TRPM1: variants seen among roughly 807,000 people sequenced by gnomAD.
TRPM1 encodes the protein transient receptor potential cation channel subfamily M member 1, also known as TRPM1-203 APA Isoform, Intron 10.
TRPM1 carries 113 observed loss-of-function variants against 149.4 expected under a neutral mutation model. The ratio of observed to expected loss-of-function variants is 0.76; its 90% CI spans 0.65 to 0.88. The LOEUF (loss-of-function observed/expected upper bound fraction) is 0.88, where lower values mean the gene tolerates loss of function less well. Ranked by LOEUF, TRPM1 falls within the 40% of genes least tolerant of loss-of-function variation. The probability of loss-of-function intolerance (pLI) is 0.00; values close to 1 mark genes in which losing one functional copy is unlikely to be tolerated. For synonymous variants in TRPM1, 741 were observed against 759.5 expected (o/e 0.98, Z 0.40); for missense variants, 1,976 against 2,038.7 (o/e 0.97, Z 0.59).
At chr15:31,118,961 C>A (rs2035839401) in intron 1 of TRPM1, among the ~76,000 whole-genome samples, 1 of 152,102 alleles carries the variant, frequency 6.6e-6, no homozygotes, top group Admixed American at 6.6e-5. Flanking sequence ...ACTTACTGGC[C>A]AGGCGCAGTG....
At chr15:31,087,205 C>T (rs1237042539) in intron 1 of TRPM1, among the ~76,000 whole-genome samples, 1 of 146,000 alleles carries the variant, frequency 6.8e-6, no homozygotes. Context: ...TCCTATGATC[C>T]AGCAGTTAAG....
chr15:31,140,779 T>C (rs1463825733), intron 1 of TRPM1, among the ~76,000 whole-genome samples: 2 of 152,200 alleles, frequency 1.3e-5, no homozygotes, highest in African/African-American at 4.8e-5. Flanking sequence ...TATTCCTTTA[T>C]AGCAACACTA....
At chr15:31,069,949 G>GT (rs1327428637) in intron 4 of TRPM1, 82 bp downstream of exon 4, 2 of 1,613,014 alleles carry the variant, frequency 1.2e-6, no homozygotes, top group Non-Finnish European at 1.7e-6. Flanking sequence ...AGAAGACCAG[G>GT]TATCTGCAGT....
intron 26 of TRPM1, 133 bp from the exon 27 acceptor site, chr15:31,026,404 C>A: frequency 9.1e-7 from 1 of 1,101,444 alleles, no homozygotes; most frequent in Non-Finnish European, 1.3e-6. Context: ...GCCACTACTC[C>A]AATTGATTTT....
At chr15:31,076,656 G>C (rs2034701212) in intron 3 of TRPM1, among the ~76,000 whole-genome samples, 1 of 152,176 alleles carries the variant, frequency 6.6e-6, no homozygotes, top group Non-Finnish European at 1.5e-5. Flanking sequence ...GAGACTAAGA[G>C]GAATGATGTG....
chr15:31,126,123 C>A (rs965088329), intron 1 of TRPM1, among the ~76,000 whole-genome samples: 1 of 152,112 alleles, frequency 6.6e-6, no homozygotes, highest in Non-Finnish European at 1.5e-5. Context: ...CAGAGTGGAA[C>A]TTCGTCTCAA....
At chr15:31,038,991 C>CTT (rs1175210129) in intron 18 of TRPM1, among the ~76,000 whole-genome samples, 45 of 131,456 alleles carry the variant, frequency 3.4e-4, no homozygotes, top group African/African-American at 6.4e-4. Flanking sequence ...CATGCTTCCC[C>CTT]TTTTTTTTTT....
intron 21 of TRPM1, 22 bp downstream of exon 21, chr15:31,035,524 G>C: frequency 6.2e-7 from 1 of 1,614,012 alleles, no homozygotes; most frequent in East Asian, 2.2e-5. Context: ...AGTGGGCTGG[G>C]GGAGGCCTTT....
chr15:31,121,682 G>A (rs551879653), intron 1 of TRPM1, among the ~76,000 whole-genome samples: 1 of 152,132 alleles, frequency 6.6e-6, no homozygotes, highest in Admixed American at 6.5e-5. Flanking sequence ...TAACTAATAA[G>A]CTGCCCCTAC....
chr15:31,071,275 A>G (rs2034529105), intron 3 of TRPM1, among the ~76,000 whole-genome samples: 1 of 152,140 alleles, frequency 6.6e-6, no homozygotes, highest in Non-Finnish European at 1.5e-5. Flanking sequence ...GCATGGAGGG[A>G]GGTCTGTTCC....
Position 31,064,100 on chromosome 15 carries a change from C to T in TRPM1, c.791-808G>A, listed in dbSNP as rs552872003. 3.2e-3 allele frequency among the ~76,000 whole-genome samples: 483 copies of T among 152,352 alleles called. 2 individuals carry two copies. Among genetic ancestry groups the T allele is most frequent in the African/African-American group, 0.011 (470 of 41,580 alleles). On this transcript the variant is annotated intron_variant, in intron 7 of 27. Transcript: ENST00000256552. ...TCACCAAATCACCAAGAGCCTTAGACAGCCATTTGTAAAAGGTGAACAATC... is the reference window on the plus strand; with the variant it reads ...TCACCAAATCACCAAGAGCCTTAGATAGCCATTTGTAAAAGGTGAACAATC...
chr15:31,021,652 T>C (rs1304172476), intron 27 of TRPM1, among the ~76,000 whole-genome samples: 1 of 145,306 alleles, frequency 6.9e-6, no homozygotes, highest in Admixed American at 7.1e-5. Context: ...GCTATGATCA[T>C]CCCACTGTAC....
At chr15:31,036,068 C>T (rs2033353534) in intron 20 of TRPM1, 1 of 333,460 alleles carries the variant, frequency 3.0e-6, no homozygotes, top group African/African-American at 2.2e-5. Flanking sequence ...AATTTCCTTC[C>T]TGATTCTTTC....
chr15:31,112,815 A>G (rs1401447454), intron 1 of TRPM1, among the ~76,000 whole-genome samples: 2 of 152,178 alleles, frequency 1.3e-5, no homozygotes, highest in Admixed American at 6.5e-5. Flanking sequence ...GCATATTAGG[A>G]TATTAAAATT....
intron 1 of TRPM1, among the ~76,000 whole-genome samples, chr15:31,160,743 C>A (rs1373483682): frequency 1.3e-5 from 2 of 152,188 alleles, no homozygotes; most frequent in Non-Finnish European, 2.9e-5. Flanking sequence ...TGAGAAGGGA[C>A]CCTGACGTGA....
chr15:31,053,875 A>G (rs1450050531), intron 11 of TRPM1, among the ~76,000 whole-genome samples: 1 of 152,234 alleles, frequency 6.6e-6, no homozygotes, highest in Non-Finnish European at 1.5e-5. Context: ...AATGTGGTCT[A>G]TCCATATAAT....
chr15:31,104,731 C>G (rs1596074868), upstream of TRPM1, among the ~76,000 whole-genome samples: 1 of 151,632 alleles, frequency 6.6e-6, no homozygotes, highest in Non-Finnish European at 1.5e-5. Context: ...GTAGCTGGGA[C>G]TACAGGTGCC....
At chr15:31,079,760 C>T (rs1220622060) in intron 2 of TRPM1, among the ~76,000 whole-genome samples, 1 of 152,216 alleles carries the variant, frequency 6.6e-6, no homozygotes, top group Non-Finnish European at 1.5e-5. Context: ...CATTCCCTGG[C>T]TCCCTTAATG....
At position 31,062,634 on chromosome 15, in the gene TRPM1, G is replaced by T. The variant is rs2034263834; in HGVS notation, c.1034C>A (p.Ala345Glu). ...AATTGCAAACAGCTGATGTGATTGT[G>T]CCTTATTATAATTAAATGTTTTCTG... ...TIQKTFNYNKAQSHQLFAIIM... is the reference protein window; with the variant it reads ...TIQKTFNYNKEQSHQLFAIIM... Residue 345 changes from alanine to glutamate, a missense_variant, in exon 9 of 28, where the codon GCA (alanine) becomes GAA (glutamate). Transcript: ENST00000256552. 6.2e-7 allele frequency: 1 copy of T among 1,613,840 alleles called. No homozygotes were observed. Among genetic ancestry groups the T allele is most frequent in the African/African-American group, 1.3e-5 (1 of 74,922 alleles).
Sources: allele counts gnomAD v4.1 joint callset (sites outside exome capture counted in the v4.1 genomes callset), GRCh38; gene constraint gnomAD v4.1.1; transcripts MANE v1.5; gene names NCBI Gene and HGNC (gene_info 2026-07-23, HGNC 2026-07-21).